TTC29: variants seen among roughly 807,000 people sequenced by gnomAD.
The protein encoded by TTC29 is tetratricopeptide repeat domain 29.
Under a neutral mutation model 58.1 loss-of-function variants are expected in TTC29, and 49 were observed. The ratio of observed to expected loss-of-function variants is 0.84; its 90% confidence interval spans 0.67 to 1.07. TTC29 has a LOEUF of 1.07. Among genes scored for constraint, TTC29 ranks in the 50% least tolerant of loss-of-function variants. TTC29 has a pLI of 0.00. For missense variants in TTC29, 582 were observed against 555.6 expected (o/e 1.05, Z -0.48); for synonymous variants, 209 against 196.8 (o/e 1.06, Z -0.52).
chr4:146,918,426 G>A (rs929388075), intron 4 of TTC29, among the ~76,000 whole-genome samples: 5 of 150,934 alleles, frequency 3.3e-5, no homozygotes, highest in Admixed American at 3.3e-4. Context: ...TTTCAACATG[G>A]GTGATTATAT....
intron 8 of TTC29, among the ~76,000 whole-genome samples, chr4:146,855,941 G>C (rs1729822982): frequency 6.6e-6 from 1 of 152,074 alleles, no homozygotes; most frequent in Admixed American, 6.6e-5. Context: ...TTCTTTCGCA[G>C]CCTCTAGATC....
intron 6 of TTC29, 21 bp downstream of exon 6, chr4:146,903,523 T>A: frequency 1.9e-6 from 3 of 1,584,292 alleles, no homozygotes; most frequent in African/African-American, 1.4e-5. Context: ...ACCCAAGGCA[T>A]CCTGGCAAAT....
intron 4 of TTC29, among the ~76,000 whole-genome samples, chr4:146,922,844 T>C (rs754539186): frequency 6.6e-5 from 10 of 151,876 alleles, no homozygotes; most frequent in Non-Finnish European, 1.0e-4. Context: ...TGTTAAACTT[T>C]ATTGCAGTAA....
intron 10 of TTC29, among the ~76,000 whole-genome samples, chr4:146,808,154 A>G (rs111966275): frequency 7.0e-4 from 107 of 152,336 alleles, no homozygotes; most frequent in African/African-American, 2.5e-3. Context: ...GATTATCACA[A>G]TAGATGCAGA....
At chr4:146,800,686 A>G (rs1750156190) in intron 11 of TTC29, among the ~76,000 whole-genome samples, 1 of 152,220 alleles carries the variant, frequency 6.6e-6, no homozygotes, top group Admixed American at 6.5e-5. Context: ...AAAAGTCGTT[A>G]ATGCAAACTA....
chr4:146,920,507 C>T (rs1325146203), intron 4 of TTC29, among the ~76,000 whole-genome samples: 1 of 151,022 alleles, frequency 6.6e-6, no homozygotes, highest in African/African-American at 2.4e-5. Flanking sequence ...ATTATTCATG[C>T]TCTTTTCAGT....
chr4:146,740,302 C>T (rs891540970), intron 11 of TTC29, among the ~76,000 whole-genome samples: 3 of 152,122 alleles, frequency 2.0e-5, no homozygotes, highest in South Asian at 2.1e-4. Context: ...CAGCTAGAAT[C>T]GCTAGCATGG....
chr4:146,715,075 C>T (rs913781908), intron 11 of TTC29, among the ~76,000 whole-genome samples: 1 of 152,024 alleles, frequency 6.6e-6, no homozygotes, highest in Non-Finnish European at 1.5e-5. Flanking sequence ...TGGCCTCAAG[C>T]AATCCTTCTG....
chr4:146,776,454 C>CT (rs1291919607), intron 11 of TTC29, among the ~76,000 whole-genome samples: 9 of 136,108 alleles, frequency 6.6e-5, no homozygotes, highest in Non-Finnish European at 4.7e-5. Flanking sequence ...TTTTTTTTTT[C>CT]TTTTATCTTC....
chr4:146,812,710 G>A (rs1446370459), intron 10 of TTC29: 1 of 152,046 alleles, frequency 6.6e-6, no homozygotes, highest in Non-Finnish European at 1.5e-5. Flanking sequence ...CACTACTAAA[G>A]AAATAAAAAA....
chr4:146,720,980 T>TTAGA (rs770498693), intron 11 of TTC29, among the ~76,000 whole-genome samples: 2 of 152,056 alleles, frequency 1.3e-5, no homozygotes, highest in Non-Finnish European at 2.9e-5. Flanking sequence ...TGATTTCAAA[T>TTAGA]TAGATAGATT....
At chr4:146,903,247 A>G (rs1464743037) in intron 6 of TTC29, among the ~76,000 whole-genome samples, 1 of 152,004 alleles carries the variant, frequency 6.6e-6, no homozygotes, top group African/African-American at 2.4e-5. Flanking sequence ...CATTCTTTTC[A>G]TCCTGTGTGT....
chr4:146,836,327 G>A (rs1728506802), intron 8 of TTC29, among the ~76,000 whole-genome samples: 1 of 152,092 alleles, frequency 6.6e-6, no homozygotes, highest in African/African-American at 2.4e-5. Context: ...GAAATATATA[G>A]GCAGTAGGAC....
chr4:146,930,692 T>A (rs1331399920), intron 4 of TTC29, among the ~76,000 whole-genome samples: 1 of 152,204 alleles, frequency 6.6e-6, no homozygotes, highest in Non-Finnish European at 1.5e-5. Flanking sequence ...GTTTTCTTAA[T>A]ACAGAAAGAA....
rs1002581253 is a variant in TTC29, at chr4:146,769,206, T to A, written c.1330+34251A>T. ...AATTCTTAGTATCGGTGTTTGTGGT[T>A]GAAATTTTGAACACATAAGACATTA... On this transcript the variant is annotated intron_variant, in intron 11 of 12. Transcript: ENST00000325106. Among the ~76,000 whole-genome samples the A allele has an allele frequency of 2.0e-5, 3 of 152,008 alleles. 1 individual carries two copies. The highest frequency in any genetic ancestry group is 4.4e-5 in the Non-Finnish European group (3 of 67,962).
At chr4:146,719,187 G>GGGGT (rs1554004570) in intron 11 of TTC29, among the ~76,000 whole-genome samples, 1 of 110,346 alleles carries the variant, frequency 9.1e-6, no homozygotes, top group Non-Finnish European at 1.9e-5. Context: ...CTTGGCTATT[G>GGGGT]GGGTGTGTGT....
intron 6 of TTC29, 23 bp downstream of exon 6, chr4:146,903,521 C>G (rs1733298593): frequency 6.3e-7 from 1 of 1,581,332 alleles, no homozygotes; most frequent in East Asian, 2.3e-5. Flanking sequence ...ATACCCAAGG[C>G]ATCCTGGCAA....
chr4:146,745,705 C>T (rs1745490856), intron 11 of TTC29, among the ~76,000 whole-genome samples: 1 of 152,164 alleles, frequency 6.6e-6, no homozygotes. Flanking sequence ...TCTGACCACC[C>T]CACATTGACT....
chr4:146,899,996 A>G (rs1394763391), intron 6 of TTC29, among the ~76,000 whole-genome samples: 1 of 152,198 alleles, frequency 6.6e-6, no homozygotes, highest in Non-Finnish European at 1.5e-5. Context: ...GATATGTGGA[A>G]GCTGGACCAC....
Sources: allele counts gnomAD v4.1 joint callset (sites outside exome capture counted in the v4.1 genomes callset), GRCh38; gene constraint gnomAD v4.1.1; transcripts MANE v1.5; gene names NCBI Gene and HGNC (gene_info 2026-07-23, HGNC 2026-07-21).